The following NFS1 variants were observed in gnomAD, a reference collection of about 807,000 sequenced individuals.
NFS1 encodes cysteine desulfurase.
A neutral mutation model predicts 57.3 loss-of-function variants in NFS1; 26 were observed. The ratio of observed to expected loss-of-function variants is 0.45; its 90% CI spans 0.33 to 0.63. NFS1 has a LOEUF of 0.63. Among genes scored for constraint, NFS1 ranks in the 20% least tolerant of loss-of-function variants. The probability of loss-of-function intolerance (pLI) is 0.02; values close to 1 mark genes in which losing one functional copy is unlikely to be tolerated. For missense variants in NFS1, 505 were observed against 605.8 expected (o/e 0.83, Z 1.75); for synonymous variants, 209 against 216.3 (o/e 0.97, Z 0.30).
chr20:35,676,759 A>G (rs1207698788), intron 7 of NFS1, among the ~76,000 whole-genome samples: 5 of 79,854 alleles, frequency 6.3e-5, no homozygotes, highest in African/African-American at 1.1e-4. Flanking sequence ...AGAAAATCAG[A>G]AAAAAAAAAA....
At chr20:35,698,724 AAAG>A in intron 1 of NFS1, 134 bp from the exon 2 acceptor site, 1 of 1,419,738 alleles carries the variant, frequency 7.0e-7, no homozygotes, top group Non-Finnish European at 9.2e-7. Flanking sequence ...ATCTCAATGG[AAAG>A]AAAACAACAC....
At position 35,674,408 on chromosome 20, in the gene NFS1, A is replaced by G; in HGVS notation, c.1078T>C (p.Tyr360His). The G allele has an allele frequency of 1.9e-6, 3 of 1,614,050 alleles. No individual in the cohort carries two copies. The highest frequency in any genetic ancestry group is 1.7e-5 in the Admixed American group (1 of 60,010). ...ATCAGCAGACTTTCCCCTTCCACAT[A>G]TGCAAAGGAGAGGTTGATACAGCCT... ...YPGCINLSFA[Y>H]VEGESLLMAL... Residue 360 changes from tyrosine to histidine, a missense_variant, in exon 10 of 13, where the codon TAT becomes CAT. Transcript: ENST00000374092.
rs148047173 is a variant in NFS1 at position 35,675,169 on chromosome 20, C to T, written c.824G>A (p.Arg275His). 1.1e-5 allele frequency: 18 copies of T among 1,613,548 alleles called. No individual in the cohort carries two copies. The highest frequency in any genetic ancestry group is 5.3e-5 in the African/African-American group (4 of 74,906). ...ACTCTGCAGGGCCTCCACACGCACA[C>T]GGGGCCGGCGACGGATGTAGATGGC... is the stretch of plus-strand genomic sequence containing the variant. ...VGAIYIRRRP[R>H]VRVEALQSGG... Residue 275 changes from arginine to histidine, a missense_variant, in exon 8 of 13, where the codon CGT becomes CAT. Arg to His is a conservative substitution (Grantham distance 29). Coordinates refer to ENST00000374092, the MANE Select transcript of NFS1 (RefSeq NM_021100.5).
Position 35,699,169 on chromosome 20 carries a change from C to CG in NFS1, c.97+22dup. 7.2e-7 allele frequency: 1 copy of CG among 1,388,912 alleles called. No individual in the cohort carries two copies. Among genetic ancestry groups the CG allele is most frequent in the Non-Finnish European group, 9.3e-7 (1 of 1,080,914 alleles). 86.0% of individuals were successfully genotyped at this position (1,388,912 alleles called of 1,614,324 possible). On this transcript the variant is annotated intron_variant, in intron 1 of 12. Coordinates refer to ENST00000374092, the MANE Select transcript of NFS1 (RefSeq NM_021100.5). This position sits in a 1 kb window ranked among gnomAD's most constrained non-coding sequence, Gnocchi z 4.4. ...GCGGAGGGGACAGGTCCGCGCCTCC[C>CG]GGAGAGCGGGACCCGAGCGTACCGC...
intron 4 of NFS1, among the ~76,000 whole-genome samples, chr20:35,693,193 C>T (rs1233373259): frequency 6.6e-6 from 1 of 151,922 alleles, no homozygotes. Flanking sequence ...ACCTCTGCCT[C>T]CCGAGTTCAA....
intron 5 of NFS1, among the ~76,000 whole-genome samples, chr20:35,687,417 T>C (rs890402407): frequency 1.4e-5 from 2 of 144,068 alleles, no homozygotes; most frequent in African/African-American, 2.5e-5. Context: ...CTCTCTCTCC[T>C]CTCTCTCTCT....
rs1360011935 is a variant in NFS1, at chr20:35,679,223, C to T, written c.790+1514G>A. 3.3e-5 allele frequency among the ~76,000 whole-genome samples: 5 copies of T among 152,094 alleles called. No individual in the cohort carries two copies. In the East Asian group the frequency reaches 5.8e-4, roughly 18 times the overall value. ...TTTTTTTGTTTTTGAGAGGGAGTCT[C>T]GCCTGTCGCCCAGGCAGTGGTGTGA... On this transcript the variant is annotated intron_variant, in intron 7 of 12. Transcript: ENST00000374092.
chr20:35,672,141 G>A (rs1438765573), intron 12 of NFS1, among the ~76,000 whole-genome samples: 2 of 151,788 alleles, frequency 1.3e-5, no homozygotes, highest in Admixed American at 1.3e-4. Flanking sequence ...TGTATTTTTA[G>A]GAGAGACGGG....
At chr20:35,675,683 C>T (rs141281117) in intron 7 of NFS1, 217 of 158,470 alleles carry the variant, frequency 1.4e-3, no homozygotes, top group African/African-American at 4.8e-3. Context: ...TAGAAACCAG[C>T]CTGGTCAACA....
intron 12 of NFS1, among the ~76,000 whole-genome samples, chr20:35,672,060 G>A (rs1237987364): frequency 6.9e-6 from 1 of 143,886 alleles, no homozygotes; most frequent in East Asian, 2.0e-4. Flanking sequence ...CCAGGTTCAC[G>A]CCATTCTCCT....
At chr20:35,698,677 C>A in intron 1 of NFS1, 87 bp from the exon 2 acceptor site, 1 of 1,483,886 alleles carries the variant, frequency 6.7e-7, no homozygotes, top group Non-Finnish European at 9.0e-7. Context: ...AAAAATCTGG[C>A]TGGAGGTGAG....
At chr20:35,688,976 C>G (rs912623003) in intron 5 of NFS1, among the ~76,000 whole-genome samples, 5 of 152,172 alleles carry the variant, frequency 3.3e-5, no homozygotes, top group Non-Finnish European at 5.9e-5. Flanking sequence ...AGGGGTCCAT[C>G]TACAAACAGC....
chr20:35,698,784 G>A, intron 1 of NFS1, 194 bp from the exon 2 acceptor site: 2 of 1,393,790 alleles, frequency 1.4e-6, no homozygotes, highest in Non-Finnish European at 1.9e-6. Context: ...AGGGAGAGAG[G>A]GTTCCTGGAG....
chr20:35,670,833 C>A (rs1330444967), intron 12 of NFS1, among the ~76,000 whole-genome samples: 1 of 152,176 alleles, frequency 6.6e-6, no homozygotes, highest in Non-Finnish European at 1.5e-5. Context: ...AAGCTATAGA[C>A]ACTTAAGCAA....
At chr20:35,692,247 A>G in intron 4 of NFS1, 1 of 273,068 alleles carries the variant, frequency 3.7e-6, no homozygotes, top group South Asian at 3.2e-5. Flanking sequence ...GGTGGCACGC[A>G]CCTGTAATCC....
At position 35,668,533 on chromosome 20, in the gene NFS1, T is replaced by G. The variant is rs1270325553; in HGVS notation, c.*1089A>C. ...TGTGCTTTATCACACTTCAGGCCCT[T>G]AGCTCTTGCCATTCCTTCTCACCTC... is the stretch of plus-strand genomic sequence containing the variant. On this transcript the variant is annotated 3_prime_UTR_variant, in exon 13 of 13. Coordinates refer to ENST00000374092, the MANE Select transcript of NFS1 (RefSeq NM_021100.5). 2 of 152,216 alleles carry G rather than the reference T, an allele frequency of 1.3e-5. No individual in the cohort carries two copies. Among genetic ancestry groups the G allele is most frequent in the Non-Finnish European group, 2.9e-5 (2 of 68,038 alleles). The allele number at this position is 152,216 out of a possible 1,614,324, so 9.4% of individuals were successfully genotyped here.
intron 4 of NFS1, among the ~76,000 whole-genome samples, chr20:35,695,857 T>C (rs192288695): frequency 6.6e-6 from 1 of 152,192 alleles, no homozygotes; most frequent in East Asian, 1.9e-4. Flanking sequence ...CTGGCCAATA[T>C]GGTGAAACCC....
intron 5 of NFS1, among the ~76,000 whole-genome samples, chr20:35,689,033 A>G (rs2034994266): frequency 6.6e-6 from 1 of 152,210 alleles, no homozygotes; most frequent in African/African-American, 2.4e-5. Flanking sequence ...TCTGGTGGAT[A>G]AGATTCAAGA....
chr20:35,681,232 TA>T (rs55745216), intron 6 of NFS1, among the ~76,000 whole-genome samples: 2,478 of 141,798 alleles, frequency 0.017, 25 homozygotes, highest in Middle Eastern at 0.045. Context: ...CAAAACAAAA[TA>T]AAAAAAAAAA....
Sources: allele counts gnomAD v4.1 joint callset (sites outside exome capture counted in the v4.1 genomes callset), GRCh38; gene constraint gnomAD v4.1.1; non-coding constraint Gnocchi (gnomAD v3.1); transcripts MANE v1.5; gene names NCBI Gene and HGNC (gene_info 2026-07-23, HGNC 2026-07-21).